WNT7B: variants seen among roughly 807,000 people sequenced by gnomAD.
WNT7B encodes the protein Wnt family member 7B.
In WNT7B, 19 loss-of-function variants were observed where a neutral mutation model predicts 38.2. The ratio of observed to expected loss-of-function variants is 0.50; its 90% CI spans 0.35 to 0.73. The LOEUF (loss-of-function observed/expected upper bound fraction) is 0.73. WNT7B is among the 30% of genes least tolerant of loss of function. The pLI, the probability that WNT7B is intolerant of heterozygous loss-of-function variation, is 0.01. For synonymous variants in WNT7B, 243 were observed against 209.3 expected, an observed-to-expected ratio of 1.16 and a Z score of -1.39; for missense variants, 423 against 507.9, an observed-to-expected ratio of 0.83 and a Z score of 1.61.
At chr22:45,963,140 C>G (rs1932234133) in intron 1 of WNT7B, among the ~76,000 whole-genome samples, 1 of 152,202 alleles carries the variant, frequency 6.6e-6, no homozygotes, top group Non-Finnish European at 1.5e-5. Context: ...CATGCCTGGG[C>G]CACACAGCAT....
intron 3 of WNT7B, among the ~76,000 whole-genome samples, chr22:45,924,769 G>A (rs1278867038): frequency 6.7e-6 from 1 of 149,910 alleles, no homozygotes; most frequent in Admixed American, 6.6e-5. Context: ...GCTGGCAGGT[G>A]GGTGCCGGGG....
rs1446737896 is a variant in WNT7B, at chr22:45,977,106, T to TCGCCGAGCGCCG, written c.-364_-353dup. The stretch of plus-strand genomic sequence containing the variant: ...GCAGCCGCCTGAGGCCGTGAGCGCC[T>TCGCCGAGCGCCG]CGCCGAGCGCCGCGGCGGCCAATGT... On this transcript the variant is annotated 5_prime_UTR_variant, in exon 1 of 4. Transcript: ENST00000339464. 6 of 809,376 alleles carry TCGCCGAGCGCCG rather than the reference T, an allele frequency of 7.4e-6. No individual in the cohort carries two copies. The African/African-American group carries it at 1.1e-4, about 15-fold the overall frequency. 50.1% of individuals were successfully genotyped at this position (809,376 alleles called of 1,614,324 possible).
intron 1 of WNT7B, among the ~76,000 whole-genome samples, chr22:45,961,730 A>G (rs955719025): frequency 3.3e-5 from 5 of 152,170 alleles, no homozygotes; most frequent in African/African-American, 4.8e-5. Context: ...TCCCTGCCTC[A>G]GTTTCCCATC....
intron 3 of WNT7B, 149 bp from the exon 4 acceptor site, chr22:45,923,484 TC>T: frequency 8.5e-7 from 1 of 1,172,000 alleles, no homozygotes; most frequent in Non-Finnish European, 1.2e-6. Context: ...TCTCTGACCC[TC>T]AGCCTCCTCA....
At chr22:45,954,444 CTCTA>C (rs1482270673) in intron 1 of WNT7B, among the ~76,000 whole-genome samples, 2 of 152,194 alleles carry the variant, frequency 1.3e-5, no homozygotes, top group African/African-American at 2.4e-5. Flanking sequence ...TTTTAAAAAA[CTCTA>C]TCTATACACG....
Position 45,942,810 on chromosome 22 carries a change from A to C in WNT7B, c.298+7110T>G, listed in dbSNP as rs544824400. Among the ~76,000 whole-genome samples the C allele has an allele frequency of 3.1e-4, 47 of 152,196 alleles. 1 individual carries two copies. In the East Asian group the frequency reaches 8.5e-3, roughly 28 times the overall value. On this transcript the variant is annotated intron_variant, in intron 2 of 3. Coordinates refer to ENST00000339464, the MANE Select transcript of WNT7B (RefSeq NM_058238.3). ...ATTACCCGTCTCCAAGCAGGCCTGGACCCTGGGCCTCATGGTCCTGGCCTG... is the reference window on the plus strand; with the variant it reads ...ATTACCCGTCTCCAAGCAGGCCTGGCCCCTGGGCCTCATGGTCCTGGCCTG...
At chr22:45,964,953 G>C (rs1932279571) in intron 1 of WNT7B, among the ~76,000 whole-genome samples, 1 of 152,134 alleles carries the variant, frequency 6.6e-6, no homozygotes, top group Non-Finnish European at 1.5e-5. Flanking sequence ...GGCAGGACCA[G>C]CCTCCTCCAT....
chr22:45,949,375 C>T (rs1316098432), intron 2 of WNT7B, among the ~76,000 whole-genome samples: 1 of 150,854 alleles, frequency 6.6e-6, no homozygotes, highest in Non-Finnish European at 1.5e-5. Flanking sequence ...CCGTGCTCCA[C>T]GTGTCATGCT....
chr22:45,930,977 C>A, intron 3 of WNT7B, 121 bp downstream of exon 3: 1 of 1,368,214 alleles, frequency 7.3e-7, no homozygotes, highest in Non-Finnish European at 9.6e-7. Flanking sequence ...ACGGCCCCAC[C>A]CCCTGCACAC....
At chr22:45,929,166 C>A (rs1395343594) in intron 3 of WNT7B, among the ~76,000 whole-genome samples, 1 of 152,178 alleles carries the variant, frequency 6.6e-6, no homozygotes, top group African/African-American at 2.4e-5. Context: ...GCCTTCTCCT[C>A]TTTCTCCTCC....
chr22:45,929,659 C>A (rs867944931), intron 3 of WNT7B, among the ~76,000 whole-genome samples: 1 of 96,732 alleles, frequency 1.0e-5, no homozygotes, highest in Non-Finnish European at 2.1e-5. Context: ...CATCCTTCCA[C>A]CCACCCGCCC....
At chr22:45,923,934 C>A (rs964954926) in intron 3 of WNT7B, among the ~76,000 whole-genome samples, 4 of 152,184 alleles carry the variant, frequency 2.6e-5, no homozygotes, top group African/African-American at 9.7e-5. Context: ...TGCTGAGAAG[C>A]CGACAGCCCC....
chr22:45,972,393 G>GC (rs1932467446), intron 1 of WNT7B: 1 of 301,110 alleles, frequency 3.3e-6, no homozygotes. Context: ...TGTCGCCCGT[G>GC]CCCCGCCGCT....
At chr22:45,963,454 C>A (rs995448344) in intron 1 of WNT7B, among the ~76,000 whole-genome samples, 1 of 152,194 alleles carries the variant, frequency 6.6e-6, no homozygotes, top group Non-Finnish European at 1.5e-5. Context: ...ACTCCAGGGG[C>A]CTTGACTGAA....
chr22:45,934,683 T>C (rs1601721710), intron 2 of WNT7B, among the ~76,000 whole-genome samples: 2 of 152,178 alleles, frequency 1.3e-5, no homozygotes, highest in Non-Finnish European at 2.9e-5. Flanking sequence ...AAGCCTCCCT[T>C]CCAGCCTCCC....
chr22:45,925,835 G>A lies in WNT7B; in HGVS notation c.571-2500C>T. On this transcript the variant is annotated intron_variant, in intron 3 of 3. Transcript: ENST00000339464. ...TGCTCACCCTCCTCAGATGGGCCTG[G>A]ATGGCCGGAGACCTGGCAGGCCTGT... 5 of 985,420 alleles carry A rather than the reference G, an allele frequency of 5.1e-6. No individual in the cohort carries two copies. The South Asian group carries it at 2.3e-4, about 46-fold the overall frequency. The allele number at this position is 985,420 out of a possible 1,614,324, so 61.0% of individuals were successfully genotyped here. A position where few individuals can be genotyped will look rare whatever the true frequency, so the allele number is the denominator to read the frequency against.
intron 3 of WNT7B, among the ~76,000 whole-genome samples, chr22:45,928,822 C>T (rs975198214): frequency 2.6e-5 from 4 of 152,090 alleles, no homozygotes; most frequent in Non-Finnish European, 4.4e-5. Flanking sequence ...CCAACACCAC[C>T]CTACCCGGCC....
At chr22:45,972,116 G>GGGGGGGGGGGCCCCCCC in intron 1 of WNT7B, 2 of 530,736 alleles carry the variant, frequency 3.8e-6, no homozygotes, top group South Asian at 2.3e-5. Flanking sequence ...CCCGGGGGGA[G>GGGGGGGGGGGCCCCCCC]CCCACCCGCC....
In WNT7B at chr22:45,936,457, C is replaced by T. The variant is rs528549513; in HGVS notation, c.299-5088G>A. On this transcript the variant is annotated intron_variant, in intron 2 of 3. Coordinates refer to ENST00000339464, the MANE Select transcript of WNT7B (RefSeq NM_058238.3). ...GCCTCTTCCCCAAGGCCAGCCCCAT[C>T]GGCCCTGCCCAGCTGTCCCCTCAAA... is the stretch of plus-strand genomic sequence containing the variant. 6.6e-5 allele frequency among the ~76,000 whole-genome samples: 10 copies of T among 152,370 alleles called. No homozygotes were observed. The South Asian group carries it at 1.4e-3, about 22-fold the overall frequency.
Sources: gnomAD v4.1 joint callset for allele counts (sites outside exome capture counted in the v4.1 genomes callset) on GRCh38, gnomAD v4.1.1 for gene constraint, MANE v1.5 for transcripts, NCBI Gene and HGNC (gene_info 2026-07-23, HGNC 2026-07-21) for gene names.